Variants in ABCB4 observed in about 807,000 individuals in gnomAD.
ABCB4 encodes the protein phosphatidylcholine translocator ABCB4.
Under a neutral mutation model 145.7 loss-of-function variants are expected in ABCB4, and 76 were observed. The observed-to-expected ratio is 0.52, with a 90% CI of 0.43 to 0.63. The LOEUF is 0.63. ABCB4 is among the 30% of genes least tolerant of loss of function. ABCB4 has a pLI of 0.00. For synonymous variants in ABCB4, 517 were observed against 566.8 expected (o/e 0.91, Z 1.25); for missense variants, 1,234 against 1,553.1 (o/e 0.79, Z 3.45).
At chr7:87,407,232 T>C (rs1179802344) in intron 25 of ABCB4, among the ~76,000 whole-genome samples, 1 of 152,090 alleles carries the variant, frequency 6.6e-6, no homozygotes, top group East Asian at 1.9e-4. Flanking sequence ...TTGATCTCAA[T>C]AAAGAAAAAA....
At chr7:87,385,574 T>C in the ABCB4 span, among the ~76,000 whole-genome samples, 1 of 152,172 alleles carries the variant, frequency 6.6e-6, no homozygotes, top group Non-Finnish European at 1.5e-5. Context: ...TGTTTATCAC[T>C]CTAATGGCTG....
chr7:87,434,865 T>C (rs1810509341), intron 14 of ABCB4, among the ~76,000 whole-genome samples: 1 of 152,260 alleles, frequency 6.6e-6, no homozygotes, highest in Admixed American at 6.5e-5. Context: ...TTGAAGAGAT[T>C]CAAATATGAA....
At chr7:87,470,290 A>G (rs1306087134) in intron 3 of ABCB4, among the ~76,000 whole-genome samples, 1 of 152,224 alleles carries the variant, frequency 6.6e-6, no homozygotes, top group South Asian at 2.1e-4. Flanking sequence ...AGGCAATACC[A>G]TTCAGGACAT....
At chr7:87,465,573 T>C (rs1030449813) in intron 3 of ABCB4, among the ~76,000 whole-genome samples, 1 of 152,084 alleles carries the variant, frequency 6.6e-6, no homozygotes, top group African/African-American at 2.4e-5. Context: ...AGCACAGCAT[T>C]TGAGATCTGA....
intron 4 of ABCB4, among the ~76,000 whole-genome samples, chr7:87,460,402 A>G (rs903767669): frequency 6.6e-6 from 1 of 152,204 alleles, no homozygotes; most frequent in African/African-American, 2.4e-5. Flanking sequence ...GGTAGTGAGC[A>G]TAATACCTAG....
At chr7:87,407,950 C>T (rs1562950362) in intron 25 of ABCB4, 87 bp downstream of exon 25, 4 of 1,551,788 alleles carry the variant, frequency 2.6e-6, no homozygotes, top group Non-Finnish European at 1.8e-6. Flanking sequence ...TCTAGGTCTA[C>T]ATTTGTCCAA....
At chr7:87,440,053 CCTAA>C in intron 13 of ABCB4, 142 bp downstream of exon 13, 20 of 1,130,846 alleles carry the variant, frequency 1.8e-5, no homozygotes, top group Non-Finnish European at 2.5e-5. Flanking sequence ...TCCTTTAACC[CCTAA>C]CTGAGTCATT....
Position 87,418,490 on chromosome 7 carries a change from A to G in ABCB4, c.2478+47T>C, listed in dbSNP as rs548448648. The G allele has an allele frequency of 7.7e-6, 12 of 1,564,780 alleles. No individual in the cohort carries two copies. In the South Asian group the frequency reaches 1.2e-4, roughly 16 times the overall value. ...GTGTGGGTATGCTACATGCTTATCT[A>G]AAACCATGTTATGTAAAAAACTACA... On this transcript the variant is annotated intron_variant, in intron 20 of 27. Coordinates refer to ENST00000649586, the MANE Select transcript of ABCB4 (RefSeq NM_000443.4).
At chr7:87,448,136 A>G (rs1186359641) in intron 8 of ABCB4, among the ~76,000 whole-genome samples, 1 of 152,208 alleles carries the variant, frequency 6.6e-6, no homozygotes, top group Non-Finnish European at 1.5e-5. Context: ...TCATCAAGTT[A>G]AATCAAATCT....
chr7:87,447,329 G>A (rs1045227808), intron 8 of ABCB4, 124 bp from the exon 9 acceptor site: 1 of 879,872 alleles, frequency 1.1e-6, no homozygotes, highest in African/African-American at 1.7e-5. Flanking sequence ...TGAACCCATG[G>A]TGAGACCCAG....
At chr7:87,472,551 G>T in intron 3 of ABCB4, 70 bp downstream of exon 3, 1 of 1,312,804 alleles carries the variant, frequency 7.6e-7, no homozygotes, top group Non-Finnish European at 1.1e-6. Context: ...TTGCTTTAAA[G>T]GTAATTGATT....
intron 3 of ABCB4, among the ~76,000 whole-genome samples, chr7:87,467,911 T>C (rs1399773895): frequency 6.6e-6 from 1 of 152,104 alleles, no homozygotes; most frequent in Non-Finnish European, 1.5e-5. Context: ...TAGAGGGAAA[T>C]TAATAGCACT....
At chr7:87,389,853 G>T in the ABCB4 span, among the ~76,000 whole-genome samples, 1 of 152,112 alleles carries the variant, frequency 6.6e-6, no homozygotes, top group South Asian at 2.1e-4. Context: ...AGACTGGCTT[G>T]CCAGAAACTA....
Position 87,402,276 on chromosome 7 carries a change from G to A in ABCB4, c.3660C>T (p.Ala1220=). ...TCACAATGCAGGTGCGGCCTTCTCT[G>A]GCTTTGTCCAGGGCTTCTTGGACAA... is the stretch of plus-strand genomic sequence containing the variant. ...EKVVQEALDK[A]REGRTCIVIA... The change falls in exon 28 of 28, where the codon GCC becomes GCT. Residue 1220 remains alanine (A), a synonymous_variant. Transcript: ENST00000649586. The A allele has an allele frequency of 6.2e-7, 1 of 1,613,984 alleles. No homozygotes were observed. Among genetic ancestry groups the A allele is most frequent in the Non-Finnish European group, 8.5e-7 (1 of 1,179,922 alleles).
chr7:87,442,166 T>C (rs1811035299), intron 12 of ABCB4, among the ~76,000 whole-genome samples: 1 of 152,128 alleles, frequency 6.6e-6, no homozygotes, highest in Admixed American at 6.5e-5. Flanking sequence ...CCAGGTTCTT[T>C]TTAAAAAATA....
intron 14 of ABCB4, among the ~76,000 whole-genome samples, chr7:87,436,848 G>A (rs191465024): frequency 1.0e-3 from 159 of 152,152 alleles, no homozygotes; most frequent in African/African-American, 3.7e-3. Flanking sequence ...TCCCTGCACC[G>A]CCACTCTATG....
At chr7:87,456,876 A>G (rs1812134731) in intron 4 of ABCB4, among the ~76,000 whole-genome samples, 1 of 151,888 alleles carries the variant, frequency 6.6e-6, no homozygotes, top group South Asian at 2.1e-4. Context: ...AACTAAACAT[A>G]TGTTGGTGTG....
At chr7:87,380,526 A>G in the ABCB4 span, among the ~76,000 whole-genome samples, 2 of 152,242 alleles carry the variant, frequency 1.3e-5, no homozygotes, top group Non-Finnish European at 2.9e-5. Flanking sequence ...CCAGCTAGGA[A>G]GTAGTTTGAA....
At chr7:87,462,632 T>G (rs548880270) in intron 4 of ABCB4, 126 bp downstream of exon 4, 1 of 875,768 alleles carries the variant, frequency 1.1e-6, no homozygotes, top group Non-Finnish European at 1.9e-6. Flanking sequence ...CCTTCTATGA[T>G]ATCTGGAGTC....
Sources: gnomAD v4.1 joint callset for allele counts (sites outside exome capture counted in the v4.1 genomes callset) on GRCh38, gnomAD v4.1.1 for gene constraint, MANE v1.5 for transcripts, NCBI Gene and HGNC (gene_info 2026-07-23, HGNC 2026-07-21) for gene names.